POLR3B: variants seen among roughly 807,000 people sequenced by gnomAD.
POLR3B encodes the protein DNA-directed RNA polymerase III subunit RPC2.
In POLR3B, 96 loss-of-function variants were observed where a neutral mutation model predicts 147.4. The observed-to-expected ratio is 0.65, with a 90% CI of 0.55 to 0.77. The LOEUF (loss-of-function observed/expected upper bound fraction) is 0.77, where lower values mean the gene tolerates loss of function less well. Ranked by LOEUF, POLR3B falls within the 30% of genes least tolerant of loss-of-function variation. POLR3B has a pLI of 0.00. For synonymous variants in POLR3B, 461 were observed against 485.9 expected (o/e 0.95, Z 0.67); for missense variants, 1,036 against 1,413.5 (o/e 0.73, Z 4.28).
intron 23 of POLR3B, among the ~76,000 whole-genome samples, chr12:106,464,191 C>G (rs901911120): frequency 6.6e-6 from 1 of 152,166 alleles, no homozygotes; most frequent in Admixed American, 6.6e-5. Context: ...ATTGGCAAGC[C>G]TCACTCATTC....
intron 10 of POLR3B, among the ~76,000 whole-genome samples, chr12:106,397,328 G>A (rs747214165): frequency 6.6e-6 from 1 of 152,090 alleles, no homozygotes; most frequent in Admixed American, 6.6e-5. Context: ...ACACTAAAAT[G>A]TACAAATCTT....
At chr12:106,485,947 T>A (rs567389847) in intron 23 of POLR3B, among the ~76,000 whole-genome samples, 2 of 152,328 alleles carry the variant, frequency 1.3e-5, no homozygotes, top group South Asian at 4.1e-4. Context: ...CTATATTTCA[T>A]CCTTTAACTG....
chr12:106,446,748 A>T (rs2037731273), intron 19 of POLR3B, among the ~76,000 whole-genome samples: 3 of 152,046 alleles, frequency 2.0e-5, no homozygotes, highest in South Asian at 4.1e-4. Context: ...CTTAAGTAAT[A>T]AAAAAAAGCC....
chr12:106,371,738 A>G (rs955472139), intron 6 of POLR3B, among the ~76,000 whole-genome samples: 3 of 144,676 alleles, frequency 2.1e-5, no homozygotes, highest in African/African-American at 5.0e-5. Flanking sequence ...GAATTGAACA[A>G]TGAGAACACA....
At chr12:106,383,741 AG>A (rs2036796160) in intron 9 of POLR3B, among the ~76,000 whole-genome samples, 1 of 152,154 alleles carries the variant, frequency 6.6e-6, no homozygotes, top group Admixed American at 6.6e-5. Context: ...GCACTTTGGG[AG>A]GCTGAGGCAG....
chr12:106,423,365 A>T (rs1384716472), intron 12 of POLR3B, among the ~76,000 whole-genome samples: 1 of 152,202 alleles, frequency 6.6e-6, no homozygotes, highest in Non-Finnish European at 1.5e-5. Context: ...AATTTTTTAG[A>T]TAGATAGATA....
At chr12:106,414,260 A>G (rs1406294636) in intron 12 of POLR3B, among the ~76,000 whole-genome samples, 1 of 151,266 alleles carries the variant, frequency 6.6e-6, no homozygotes, top group Non-Finnish European at 1.5e-5. Flanking sequence ...AGTGAAATAT[A>G]GTAATTCCAG....
At chr12:106,401,775 A>G (rs2037071416) in intron 10 of POLR3B, among the ~76,000 whole-genome samples, 3 of 152,212 alleles carry the variant, frequency 2.0e-5, no homozygotes, top group African/African-American at 7.2e-5. Context: ...TTCATGCTAA[A>G]AACTCTCAAT....
intron 13 of POLR3B, among the ~76,000 whole-genome samples, chr12:106,427,869 A>G (rs1565893285): frequency 1.3e-5 from 2 of 152,094 alleles, no homozygotes; most frequent in East Asian, 1.9e-4. Flanking sequence ...AGGTTATCAG[A>G]TGGGTTTTTG....
At chr12:106,370,922 G>A (rs1287307000) in intron 6 of POLR3B, among the ~76,000 whole-genome samples, 1 of 152,100 alleles carries the variant, frequency 6.6e-6, no homozygotes, top group African/African-American at 2.4e-5. Flanking sequence ...GTGAGCCACC[G>A]CGCCTGGCCT....
chr12:106,398,642 A>G (rs1219635301), intron 10 of POLR3B, among the ~76,000 whole-genome samples: 2 of 152,194 alleles, frequency 1.3e-5, no homozygotes, highest in Non-Finnish European at 2.9e-5. Context: ...AAACTTCCAG[A>G]GGAACGATCA....
At chr12:106,495,347 CT>C (rs1187478597) in intron 23 of POLR3B, among the ~76,000 whole-genome samples, 1 of 151,186 alleles carries the variant, frequency 6.6e-6, no homozygotes, top group South Asian at 2.1e-4. Flanking sequence ...TAATTCTAGC[CT>C]TTTTTTTTCC....
intron 23 of POLR3B, among the ~76,000 whole-genome samples, chr12:106,477,684 T>C (rs12322877): frequency 0.39 from 59,501 of 151,600 alleles, 13,838 homozygotes; most frequent in African/African-American, 0.65. Context: ...TGACCCCTTG[T>C]GCTTCCCAGG....
chr12:106,401,294 T>A (rs7314428), intron 10 of POLR3B, among the ~76,000 whole-genome samples: 1 of 152,198 alleles, frequency 6.6e-6, no homozygotes, highest in African/African-American at 2.4e-5. Flanking sequence ...AATCTCTGAA[T>A]AGACCAATAA....
chr12:106,491,884 G>C (rs1034509953), intron 23 of POLR3B, among the ~76,000 whole-genome samples: 1 of 152,022 alleles, frequency 6.6e-6, no homozygotes, highest in East Asian at 1.9e-4. Context: ...AACCTCAGAG[G>C]GGTAAATTTA....
rs138257827 is a variant in POLR3B at position 106,409,346 on chromosome 12, G to GTTTTTTTTTTTTT, written c.967-1472_967-1471insTTTTTTTTTTTTT. Among the ~76,000 whole-genome samples, 15 of 67,472 alleles carry GTTTTTTTTTTTTT rather than the reference G, an allele frequency of 2.2e-4. 5 individuals are homozygous for GTTTTTTTTTTTTT. The highest frequency in any genetic ancestry group is 1.1e-3 in the African/African-American group (14 of 12,382). The allele number at this position is 67,472 out of a possible 152,430, so 44.3% of individuals were successfully genotyped here. On this transcript the variant is annotated intron_variant, in intron 11 of 27. Coordinates refer to ENST00000228347, the MANE Select transcript of POLR3B (RefSeq NM_018082.6). ...TAACTGGTGTTACGATTGTAAGAGG[G>GTTTTTTTTTTTTT]TTTTTTTTGTTTTTTTTTTTTTTTT...
At position 106,357,850 on chromosome 12, in the gene POLR3B, C is replaced by T. The variant is rs938761164; in HGVS notation, c.-30C>T. 6 of 1,608,050 alleles carry T rather than the reference C, an allele frequency of 3.7e-6. No homozygotes were observed. Among genetic ancestry groups the T allele is most frequent in the African/African-American group, 1.3e-5 (1 of 74,850 alleles). On this transcript the variant is annotated 5_prime_UTR_variant, in exon 1 of 28. Transcript: ENST00000228347. ...TGCAGGGAAGGCGGGCGCGGAGGTT[C>T]TATCTGTTTCTTCCTCCTTCGTGAG...
chr12:106,358,379 A>G (rs1056945999), intron 1 of POLR3B, among the ~76,000 whole-genome samples: 4 of 152,208 alleles, frequency 2.6e-5, no homozygotes, highest in African/African-American at 9.7e-5. Flanking sequence ...ATTCCAAGCT[A>G]GTCATCTTTC....
At chr12:106,462,530 G>A (rs978188852) in intron 22 of POLR3B, among the ~76,000 whole-genome samples, 6 of 152,132 alleles carry the variant, frequency 3.9e-5, no homozygotes, top group African/African-American at 1.2e-4. Flanking sequence ...ATGAGCCACC[G>A]TGCCCGGCTG....
Sources: gnomAD v4.1 joint callset for allele counts (sites outside exome capture counted in the v4.1 genomes callset) on GRCh38, gnomAD v4.1.1 for gene constraint, MANE v1.5 for transcripts, NCBI Gene and HGNC (gene_info 2026-07-23, HGNC 2026-07-21) for gene names.